The following CTNNA2 variants were observed in gnomAD, a reference collection of about 807,000 sequenced individuals.
CTNNA2 encodes catenin alpha-2.
A neutral mutation model predicts 101.0 loss-of-function variants in CTNNA2; 42 were observed. That is an observed-to-expected ratio of 0.42 (90% confidence interval 0.32 to 0.54). The LOEUF is 0.54. CTNNA2 is among the 20% of genes least tolerant of loss of function. CTNNA2 has a pLI of 0.14. For synonymous variants in CTNNA2, 450 were observed against 456.4 expected (o/e 0.99, Z 0.18); for missense variants, 871 against 1,223.1 (o/e 0.71, Z 4.29).
intron 7 of CTNNA2, among the ~76,000 whole-genome samples, chr2:80,301,153 G>A (rs1356486021): frequency 6.6e-6 from 1 of 152,148 alleles, no homozygotes; most frequent in Non-Finnish European, 1.5e-5. Flanking sequence ...TTACCCTGCA[G>A]GCATTCATCC....
chr2:79,257,506 A>C (rs1674863458), intron 2 of CTNNA2, among the ~76,000 whole-genome samples: 1 of 152,064 alleles, frequency 6.6e-6, no homozygotes, highest in East Asian at 1.9e-4. Flanking sequence ...GTTAAAAAAA[A>C]AAAAAACTTC....
At position 80,286,623 on chromosome 2, in the gene CTNNA2, T is replaced by G. The variant is rs541818797; in HGVS notation, c.1057-106588T>G. Among the ~76,000 whole-genome samples the G allele has an allele frequency of 1.2e-3, 185 of 152,312 alleles. 1 individual carries two copies. The highest frequency in any genetic ancestry group is 4.3e-3 in the African/African-American group (178 of 41,568). ...CTCTTTCACATCGTGGATTGTGCTC[T>G]TAGGAGACCCTTTTCTTCCATTCTG... On this transcript the variant is annotated intron_variant, in intron 7 of 18. Transcript: ENST00000402739.
chr2:80,394,642 C>T lies in CTNNA2; in HGVS notation c.1137+1351C>T, dbSNP rs566248403. Among the ~76,000 whole-genome samples, 77 of 152,252 alleles carry T rather than the reference C, an allele frequency of 5.1e-4. 1 individual carries two copies. Among genetic ancestry groups the T allele is most frequent in the Middle Eastern group, 6.8e-3 (2 of 294 alleles). Reference sequence around the variant, plus strand: ...AATTGGGATGGAGGTTAGTTGAAAACGCTGAATTAGATATCAGAGCCCTTG... The same window carrying T: ...AATTGGGATGGAGGTTAGTTGAAAATGCTGAATTAGATATCAGAGCCCTTG... On this transcript the variant is annotated intron_variant, in intron 8 of 18. Transcript: ENST00000402739.
intron 1 of CTNNA2, among the ~76,000 whole-genome samples, chr2:79,551,785 G>A (rs1674116938): frequency 6.6e-6 from 1 of 152,142 alleles, no homozygotes; most frequent in Admixed American, 6.5e-5. Context: ...GGAGAAGGAG[G>A]AAGAAGGGAG....
intron 7 of CTNNA2, among the ~76,000 whole-genome samples, chr2:80,109,538 G>A (rs1243341250): frequency 6.6e-6 from 1 of 152,110 alleles, no homozygotes; most frequent in East Asian, 1.9e-4. Flanking sequence ...CAGAGCCTCT[G>A]GTCTCCAGAC....
intron 3 of CTNNA2, among the ~76,000 whole-genome samples, chr2:79,792,382 G>A (rs536017838): frequency 6.6e-6 from 1 of 152,290 alleles, no homozygotes; most frequent in Non-Finnish European, 1.5e-5. Context: ...TTCCTTTCCT[G>A]TAATACAGAC....
chr2:79,799,162 C>T (rs938362137), intron 3 of CTNNA2, among the ~76,000 whole-genome samples: 4 of 148,822 alleles, frequency 2.7e-5, no homozygotes, highest in Non-Finnish European at 4.4e-5. Context: ...AGTTATAATT[C>T]GATGCAGTCT....
chr2:79,242,987 T>TAC (rs1409038168), intron 2 of CTNNA2, among the ~76,000 whole-genome samples: 2 of 54,398 alleles, frequency 3.7e-5, no homozygotes, highest in African/African-American at 8.9e-5. Flanking sequence ...TATATATATA[T>TAC]ATATATACAC....
chr2:79,295,676 G>A (rs1675961793), intron 2 of CTNNA2, among the ~76,000 whole-genome samples: 1 of 151,910 alleles, frequency 6.6e-6, no homozygotes, highest in African/African-American at 2.4e-5. Flanking sequence ...GTCAATAGCT[G>A]GGGAATGAAA....
chr2:79,626,989 A>G (rs1390938109), intron 1 of CTNNA2, among the ~76,000 whole-genome samples: 1 of 152,204 alleles, frequency 6.6e-6, no homozygotes, highest in Non-Finnish European at 1.5e-5. Context: ...CTGATAAAGA[A>G]GTATAATTAG....
At position 79,769,313 on chromosome 2, in the gene CTNNA2, G is replaced by C. The variant is rs370975466; in HGVS notation, c.298+24731G>C. Among the ~76,000 whole-genome samples, 16 of 152,214 alleles carry C rather than the reference G, an allele frequency of 1.1e-4. No homozygotes were observed. In the South Asian group the frequency reaches 1.5e-3, roughly 14 times the overall value. On this transcript the variant is annotated intron_variant, in intron 3 of 18. Transcript: ENST00000402739. ...CATATTTGATCTTGAAAAATGGAGG[G>C]TCACTTAATCAATGCATTTTCCTTG... is the stretch of plus-strand genomic sequence containing the variant.
intron 3 of CTNNA2, among the ~76,000 whole-genome samples, chr2:79,755,754 C>T (rs1032826266): frequency 2.0e-5 from 3 of 152,104 alleles, no homozygotes; most frequent in Non-Finnish European, 4.4e-5. Context: ...ACATCGTTAT[C>T]AACATCATTT....
At chr2:79,999,167 CCCAGCTCA>C (rs1191326011) in intron 7 of CTNNA2, among the ~76,000 whole-genome samples, 1 of 152,184 alleles carries the variant, frequency 6.6e-6, no homozygotes, top group East Asian at 1.9e-4. Context: ...CTGTCTCTAT[CCCAGCTCA>C]CCAGCTCCCC....
chr2:79,731,577 A>T (rs1009772803), intron 2 of CTNNA2, among the ~76,000 whole-genome samples: 5 of 152,064 alleles, frequency 3.3e-5, no homozygotes, highest in Non-Finnish European at 5.9e-5. Context: ...GGTTTTGCTT[A>T]TCATTTTCAT....
intron 3 of CTNNA2, among the ~76,000 whole-genome samples, chr2:79,352,215 T>C (rs76189092): frequency 2.0e-5 from 3 of 150,590 alleles, no homozygotes; most frequent in African/African-American, 7.3e-5. Context: ...GCTTGTATAA[T>C]TTTTTTTTTC....
rs79467102 is a variant in CTNNA2, at chr2:79,589,111, G to A, written c.-5-62441G>A. Among the ~76,000 whole-genome samples the A allele has an allele frequency of 7.0e-3, 1,062 of 152,308 alleles. 7 individuals are homozygous for A. The highest frequency in any genetic ancestry group is 0.024 in the African/African-American group (1,003 of 41,580). On this transcript the variant is annotated intron_variant, in intron 1 of 18. Transcript: ENST00000402739. ...TACACTTTCACCTGTTAGCTGGGAG[G>A]AATGACATTCTGTCCTGAAATGGAG...
chr2:79,933,644 G>A (rs774019435), intron 7 of CTNNA2, among the ~76,000 whole-genome samples: 16 of 151,898 alleles, frequency 1.1e-4, no homozygotes, highest in South Asian at 2.1e-4. Context: ...TAGTAGAGAC[G>A]GGGTTTCACC....
chr2:80,159,167 G>T (rs1704159636), intron 7 of CTNNA2, among the ~76,000 whole-genome samples: 1 of 152,122 alleles, frequency 6.6e-6, no homozygotes, highest in African/African-American at 2.4e-5. Flanking sequence ...AGCACAATTT[G>T]CATGTTTAGT....
At chr2:79,867,413 A>G (rs898934107) in intron 4 of CTNNA2, among the ~76,000 whole-genome samples, 3 of 151,544 alleles carry the variant, frequency 2.0e-5, no homozygotes, top group Admixed American at 2.0e-4. Flanking sequence ...CCATCCATCC[A>G]TCTCCATCTC....
Sources: gnomAD v4.1 joint callset for allele counts (sites outside exome capture counted in the v4.1 genomes callset) on GRCh38, gnomAD v4.1.1 for gene constraint, MANE v1.5 for transcripts, NCBI Gene and HGNC (gene_info 2026-07-23, HGNC 2026-07-21) for gene names.